The following C5orf34 variants were observed in gnomAD, a reference collection of about 807,000 sequenced individuals.
C5orf34 encodes chromosome 5 open reading frame 34.
Under a neutral mutation model 78.4 loss-of-function variants are expected in C5orf34, and 73 were observed. The observed-to-expected ratio is 0.93, with a 90% CI of 0.77 to 1.13. C5orf34 has a LOEUF of 1.13. C5orf34 is among the 50% of genes most tolerant of loss of function. C5orf34 has a pLI of 0.00. For synonymous variants in C5orf34, 251 were observed against 246.6 expected, an observed-to-expected ratio of 1.02 and a Z score of -0.17; for missense variants, 730 against 732.7, an observed-to-expected ratio of 1.00 and a Z score of 0.04.
chr5:43,507,994 C>T (rs567631056), intron 3 of C5orf34, among the ~76,000 whole-genome samples: 11 of 149,634 alleles, frequency 7.4e-5, no homozygotes, highest in South Asian at 2.1e-4. Flanking sequence ...AGGAGAATGG[C>T]GTCAACCTGG....
At chr5:43,494,769 C>T (rs1324054038) in intron 6 of C5orf34, among the ~76,000 whole-genome samples, 168 bp from the exon 7 acceptor site, 1 of 151,918 alleles carries the variant, frequency 6.6e-6, no homozygotes, top group Non-Finnish European at 1.5e-5. Context: ...TTCATTTTCC[C>T]ATTTTTTTTT....
intron 7 of C5orf34, among the ~76,000 whole-genome samples, 185 bp downstream of exon 7, chr5:43,494,324 TC>T (rs1022648896): frequency 4.6e-5 from 7 of 152,166 alleles, no homozygotes; most frequent in Non-Finnish European, 1.0e-4. Flanking sequence ...CCAGAAGTAA[TC>T]TTAATAAATG....
chr5:43,506,516 G>A, intron 3 of C5orf34, 122 bp from the exon 4 acceptor site: 3 of 977,280 alleles, frequency 3.1e-6, no homozygotes, highest in Non-Finnish European at 4.3e-6. Context: ...ACTATCTACA[G>A]AGAATGAAAA....
At chr5:43,500,802 G>C (rs924202386) in intron 6 of C5orf34, among the ~76,000 whole-genome samples, 1 of 152,152 alleles carries the variant, frequency 6.6e-6, no homozygotes, top group South Asian at 2.1e-4. Context: ...CCTTTACCCA[G>C]AGATTTTAAA....
In C5orf34 at chr5:43,511,510, G is replaced by A. The variant is rs1401035660; in HGVS notation, c.-36-2135C>T. Among the ~76,000 whole-genome samples the A allele has an allele frequency of 9.8e-5, 15 of 152,320 alleles. 2 individuals are homozygous for A. The South Asian group carries it at 1.4e-3, about 15-fold the overall frequency. ...AAGTGAGGAGCCCCTCTGCCCGGCC[G>A]CCACCCCGTCTGGGAGGTGTACCCA... On this transcript the variant is annotated intron_variant, in intron 1 of 12. Coordinates refer to ENST00000306862, the MANE Select transcript of C5orf34 (RefSeq NM_198566.4).
At position 43,487,031 on chromosome 5, in the gene C5orf34, C is replaced by G. The variant is rs755052206; in HGVS notation, c.1801G>C (p.Gly601Arg). Reference sequence around the variant, plus strand: ...TCTCCTAGCAAGGTTTCTGAAGATCCTGGTTTATAATGATCAAAAGACTGT... The same window carrying G: ...TCTCCTAGCAAGGTTTCTGAAGATCGTGGTTTATAATGATCAAAAGACTGT... The part of the protein sequence containing the change: ...EQQSFDHYKP[G>R]SSETLLGEVN... Residue 601 changes from glycine to arginine, a missense_variant, in exon 13 of 13, where the codon GGA (glycine) becomes CGA (arginine). Transcript: ENST00000306862. The G allele has an allele frequency of 4.8e-5, 77 of 1,589,182 alleles. 1 individual carries two copies. Among genetic ancestry groups the G allele is most frequent in the South Asian group, 3.1e-4 (27 of 87,282 alleles).
chr5:43,506,477 G>A (rs1447301916), intron 3 of C5orf34, 83 bp from the exon 4 acceptor site: 1 of 1,336,482 alleles, frequency 7.5e-7, no homozygotes, highest in African/African-American at 1.5e-5. Context: ...TAAGTATTGT[G>A]TAAGAAAGCT....
Position 43,503,686 on chromosome 5 carries a change from CA to C in C5orf34, c.1006del (p.Trp336GlyfsTer14). The C allele has an allele frequency of 6.2e-7, 1 of 1,612,832 alleles. No homozygotes were observed. The highest frequency in any genetic ancestry group is 8.5e-7 in the Non-Finnish European group (1 of 1,178,876). ...TTACCTATATGTAACACCTTTGTAC[CA>C]AACCATTTTCACTAGTTCAGGATAG... The part of the protein sequence containing the change: ...YSYPELVKMV[W>X]YKGVTYRLTH... On this transcript the variant is annotated frameshift_variant, in exon 5 of 13. Coordinates refer to ENST00000306862, the MANE Select transcript of C5orf34 (RefSeq NM_198566.4). LOFTEE classifies it high-confidence loss of function.
chr5:43,513,655 G>A (rs971956911), intron 1 of C5orf34, among the ~76,000 whole-genome samples: 1 of 152,168 alleles, frequency 6.6e-6, no homozygotes, highest in Non-Finnish European at 1.5e-5. Flanking sequence ...CATTTTAAAT[G>A]TTCTTTAAAC....
In C5orf34 at chr5:43,503,849, T is replaced by G. The variant is rs1745869262; in HGVS notation, c.933-89A>C. 3 of 796,748 alleles carry G rather than the reference T, an allele frequency of 3.8e-6. No individual in the cohort carries two copies. In the East Asian group the frequency reaches 7.4e-5, roughly 20 times the overall value. The allele number at this position is 796,748 out of a possible 1,614,324, so 49.4% of individuals were successfully genotyped here. A position where few individuals can be genotyped will look rare whatever the true frequency, so the allele number is the denominator to read the frequency against. ...ACAAAATGTTGCTACTGTAACAGGATTAATTTCTTGTTTAACTCACTAGAT... is the reference window on the plus strand; with the variant it reads ...ACAAAATGTTGCTACTGTAACAGGAGTAATTTCTTGTTTAACTCACTAGAT... On this transcript the variant is annotated intron_variant, in intron 4 of 12. Transcript: ENST00000306862.
At chr5:43,489,808 C>T (rs926419824) in intron 11 of C5orf34, among the ~76,000 whole-genome samples, 3 of 152,124 alleles carry the variant, frequency 2.0e-5, no homozygotes, top group Non-Finnish European at 4.4e-5. Flanking sequence ...GGTCACCTCA[C>T]AAAACTTACT....
chr5:43,505,929 A>T lies in C5orf34; in HGVS notation c.751T>A (p.Trp251Arg), dbSNP rs1177059269. The change falls in exon 4 of 13, where the codon TGG becomes AGG. Residue 251 changes from tryptophan to arginine, a missense_variant. Trp to Arg is a moderately radical substitution (Grantham distance 101). Coordinates refer to ENST00000306862, the MANE Select transcript of C5orf34 (RefSeq NM_198566.4). ...CWSVAACPEE[W>R]KYPLSLALHF... ...AGTGCTAAAGACAAAGGATATTTCC[A>T]TTCCTCTGGACAGGCAGCCACAGAC... The T allele has an allele frequency of 3.1e-6, 5 of 1,614,014 alleles. No homozygotes were observed. Among genetic ancestry groups the T allele is most frequent in the Non-Finnish European group, 8.5e-7 (1 of 1,179,984 alleles).
rs1382837303 is a variant in C5orf34, at chr5:43,487,049, A to G, written c.1783T>C (p.Phe595Leu). The change falls in exon 13 of 13, where the codon TTT (phenylalanine) becomes CTT (leucine). Residue 595 changes from phenylalanine to leucine, a missense_variant. Phe to Leu is a conservative substitution (Grantham distance 22). Transcript: ENST00000306862. ...GAAGATCCTGGTTTATAATGATCAA[A>G]AGACTGTTGTTCATTTTTCTTGTTA... ...ISNKKNEQQS[F>L]DHYKPGSSET... 1 of 1,577,604 alleles carries G rather than the reference A, an allele frequency of 6.3e-7. No individual in the cohort carries two copies. Among genetic ancestry groups the G allele is most frequent in the Non-Finnish European group, 8.6e-7 (1 of 1,163,594 alleles).
At chr5:43,501,325 T>C (rs1745749503) in intron 6 of C5orf34, among the ~76,000 whole-genome samples, 2 of 142,184 alleles carry the variant, frequency 1.4e-5, no homozygotes, top group Admixed American at 1.5e-4. Context: ...GTATCTCATT[T>C]GCTTGTTTGC....
At chr5:43,509,049 G>T in intron 2 of C5orf34, 96 bp downstream of exon 2, 1 of 920,646 alleles carries the variant, frequency 1.1e-6, no homozygotes, top group Non-Finnish European at 1.7e-6. Context: ...AGGCTGCAGT[G>T]AGCTATGGTA....
Position 43,492,705 on chromosome 5 carries a change from C to G in C5orf34, c.1485+15G>C. 1 of 1,598,292 alleles carries G rather than the reference C, an allele frequency of 6.3e-7. No homozygotes were observed. Among genetic ancestry groups the G allele is most frequent in the Non-Finnish European group, 8.5e-7 (1 of 1,172,146 alleles). On this transcript the variant is annotated intron_variant, in intron 9 of 12. Transcript: ENST00000306862. ...TTACCAATAAAAAATAGATCTAAGT[C>G]TGAAGTATACCCACCTGTCTCTTCT...
chr5:43,494,703 GAGT>G, intron 6 of C5orf34, 102 bp from the exon 7 acceptor site: 1 of 568,674 alleles, frequency 1.8e-6, no homozygotes, highest in Non-Finnish European at 3.0e-6. Flanking sequence ...GTGACAAGAC[GAGT>G]AGTTATTTTA....
chr5:43,504,982 C>T (rs1425405552), intron 4 of C5orf34, among the ~76,000 whole-genome samples: 2 of 152,154 alleles, frequency 1.3e-5, no homozygotes, highest in African/African-American at 4.8e-5. Flanking sequence ...GTGTACCTTT[C>T]CTCAAGTTAT....
rs574858261 is a variant in C5orf34, at chr5:43,488,188, T to C, written c.1680-239A>G. 44 of 500,630 alleles carry C rather than the reference T, an allele frequency of 8.8e-5. 1 individual carries two copies. The highest frequency in any genetic ancestry group is 6.1e-4 in the South Asian group (21 of 34,520). 31.0% of individuals were successfully genotyped at this position (500,630 alleles called of 1,614,324 possible). A position where few individuals can be genotyped will look rare whatever the true frequency, so the allele number is the denominator to read the frequency against. On this transcript the variant is annotated intron_variant, in intron 11 of 12. Transcript: ENST00000306862. ...CCCTTGTAAATCCACTTCAAGGAAT[T>C]TGTAATCAAATATTGATGTTTGAGG...
Sources: allele counts gnomAD v4.1 joint callset (sites outside exome capture counted in the v4.1 genomes callset), GRCh38; gene constraint gnomAD v4.1.1; transcripts MANE v1.5; gene names NCBI Gene and HGNC (gene_info 2026-07-23, HGNC 2026-07-21).